Variants in KCNQ2 observed in about 807,000 individuals in gnomAD.
KCNQ2 encodes potassium voltage-gated channel subfamily KQT member 2.
In KCNQ2, 14 loss-of-function variants were observed where a neutral mutation model predicts 84.8. The observed-to-expected ratio is 0.17, with a 90% CI of 0.11 to 0.26. The LOEUF is 0.26. Ranked by LOEUF, KCNQ2 falls within the 10% of genes least tolerant of loss-of-function variation. The pLI is 1.00. For missense variants in KCNQ2, 788 were observed against 1,254.0 expected, an observed-to-expected ratio of 0.63 and a Z score of 5.61; for synonymous variants, 599 against 554.1, an observed-to-expected ratio of 1.08 and a Z score of -1.14.
In KCNQ2 at chr20:63,446,946, G is replaced by A. The variant is rs1052514972; in HGVS notation, c.297-109C>T. ...CCCACCAGGCCGCAGCAGGGCACCA[G>A]CATGGCCGCGTCTCCAGAACGCAGG... On this transcript the variant is annotated intron_variant, in intron 1 of 16. Transcript: ENST00000359125. The surrounding 1 kb of genome is among the most constrained non-coding windows in gnomAD (Gnocchi z 5.5). 6 of 954,100 alleles carry A rather than the reference G, an allele frequency of 6.3e-6. No individual in the cohort carries two copies. Among genetic ancestry groups the A allele is most frequent in the Non-Finnish European group, 1.0e-5 (6 of 587,218 alleles). The allele number at this position is 954,100 out of a possible 1,614,324, so 59.1% of individuals were successfully genotyped here. A position where few individuals can be genotyped will look rare whatever the true frequency, so the allele number is the denominator to read the frequency against.
rs1207808296 is a variant in KCNQ2 at position 63,438,723 on chromosome 20, G to A, written c.928-3C>T. ...GCAAACCCAGACCCCAAGATGCCCT[G>A]CAATTCATCAGGGTCAGGTCACACC... is the stretch of plus-strand genomic sequence containing the variant. On this transcript the variant is annotated splice_polypyrimidine_tract_variant and splice_region_variant and intron_variant, in intron 6 of 16. Transcript: ENST00000359125. The surrounding 1 kb of genome is among the most constrained non-coding windows in gnomAD (Gnocchi z 5.1). 6.2e-7 allele frequency: 1 copy of A among 1,612,944 alleles called. No individual in the cohort carries two copies. The highest frequency in any genetic ancestry group is 1.1e-5 in the South Asian group (1 of 91,076).
intron 10 of KCNQ2, among the ~76,000 whole-genome samples, 161 bp downstream of exon 10, chr20:63,428,206 C>T (rs1156413539): frequency 6.6e-6 from 1 of 152,184 alleles, no homozygotes; most frequent in Admixed American, 6.5e-5. Flanking sequence ...GGTCAGCAGA[C>T]GCGAAAAGAG....
chr20:63,409,501 C>T (rs921463102), intron 15 of KCNQ2, among the ~76,000 whole-genome samples: 5 of 152,180 alleles, frequency 3.3e-5, no homozygotes, highest in Non-Finnish European at 7.4e-5. Flanking sequence ...GGTGGGTGTG[C>T]GCTGAGGCCT....
chr20:63,459,568 C>A (rs1227688245), intron 1 of KCNQ2: 1 of 151,906 alleles, frequency 6.6e-6, no homozygotes, highest in Non-Finnish European at 1.5e-5. Context: ...AGGCAGGAGA[C>A]CGGCAACTGC....
intron 10 of KCNQ2, among the ~76,000 whole-genome samples, chr20:63,424,845 G>A (rs2080580958): frequency 6.6e-6 from 1 of 152,212 alleles, no homozygotes; most frequent in African/African-American, 2.4e-5. Flanking sequence ...TCGTGATTTG[G>A]CTCATCCATG....
chr20:63,413,508 C>T lies in KCNQ2; in HGVS notation c.1705G>A (p.Glu569Lys). 1 of 1,613,516 alleles carries T rather than the reference C, an allele frequency of 6.2e-7. No individual in the cohort carries two copies. Among genetic ancestry groups the T allele is most frequent in the Non-Finnish European group, 8.5e-7 (1 of 1,180,012 alleles). The change falls in exon 15 of 17, where the codon GAG becomes AAG. Residue 569 changes from glutamate to lysine, a missense_variant. Glu to Lys is a moderately conservative substitution (Grantham distance 56). Transcript: ENST00000359125. ...LRPYDVMDVIEQYSAGHLDML... is the reference protein window; with the variant it reads ...LRPYDVMDVIKQYSAGHLDML... The stretch of plus-strand genomic sequence containing the variant: ...TCCAGGTGGCCGGCTGAGTACTGCT[C>T]GATGACGTCCATCACGTCGTAGGGC...
intron 11 of KCNQ2, among the ~76,000 whole-genome samples, chr20:63,423,339 C>T (rs1262072990): frequency 1.3e-5 from 2 of 152,190 alleles, no homozygotes; most frequent in African/African-American, 4.8e-5. Flanking sequence ...GCGTCCATCT[C>T]GGACCCCAGG....
intron 1 of KCNQ2, among the ~76,000 whole-genome samples, chr20:63,457,729 C>T (rs959252312): frequency 6.6e-6 from 1 of 152,246 alleles, no homozygotes; most frequent in African/African-American, 2.4e-5. Context: ...GGACCCCCAG[C>T]CCCCTGCATT....
In KCNQ2 at chr20:63,472,642, G is replaced by A. The variant is rs2082247341; in HGVS notation, c.-179C>T. On this transcript the variant is annotated 5_prime_UTR_variant, in exon 1 of 17. Coordinates refer to ENST00000359125, the MANE Select transcript of KCNQ2 (RefSeq NM_172107.4). ...ACGCTGCGGCCACCTCGCTCCGCGC[G>A]CACCTCGGCGCCTGGCCCGCGGCCG... is the stretch of plus-strand genomic sequence containing the variant. 3 of 250,256 alleles carry A rather than the reference G, an allele frequency of 1.2e-5. No individual in the cohort carries two copies. Among genetic ancestry groups the A allele is most frequent in the Non-Finnish European group, 6.1e-6 (1 of 163,166 alleles). 15.5% of individuals were successfully genotyped at this position (250,256 alleles called of 1,614,324 possible). A position where few individuals can be genotyped will look rare whatever the true frequency, so the allele number is the denominator to read the frequency against.
At chr20:63,413,994 C>G (rs2080205797) in intron 14 of KCNQ2, 94 bp downstream of exon 14, 1 of 953,006 alleles carries the variant, frequency 1.0e-6, no homozygotes, top group African/African-American at 1.6e-5. Flanking sequence ...CTGGGCGGCT[C>G]TGTCCAGCAC....
chr20:63,472,110 G>A (rs1310155849), intron 1 of KCNQ2, 58 bp downstream of exon 1: 4 of 1,290,368 alleles, frequency 3.1e-6, no homozygotes, highest in Non-Finnish European at 4.2e-6. Flanking sequence ...GGTCGCCGAT[G>A]GGGTCGCCGA....
At chr20:63,441,342 A>C (rs1156671559) in intron 5 of KCNQ2, among the ~76,000 whole-genome samples, 2 of 151,854 alleles carry the variant, frequency 1.3e-5, no homozygotes, top group Non-Finnish European at 2.9e-5. Flanking sequence ...GCTATTTAAG[A>C]CTAATCAGGT....
At position 63,439,869 on chromosome 20, in the gene KCNQ2, C is replaced by T. The variant is rs997769962; in HGVS notation, c.817-161G>A. 4 of 680,986 alleles carry T rather than the reference C, an allele frequency of 5.9e-6. No individual in the cohort carries two copies. The East Asian group carries it at 1.1e-4, about 18-fold the overall frequency. The allele number at this position is 680,986 out of a possible 1,614,324, so 42.2% of individuals were successfully genotyped here. A position where few individuals can be genotyped will look rare whatever the true frequency, so the allele number is the denominator to read the frequency against. ...CCAGTGAGGCCAGGGTCGGTGTCGG[C>T]CGCCCCTCATCCCCTGAGCCCTCTC... On this transcript the variant is annotated intron_variant, in intron 5 of 16. Coordinates refer to ENST00000359125, the MANE Select transcript of KCNQ2 (RefSeq NM_172107.4).
chr20:63,464,839 A>AG (rs2082042793), intron 1 of KCNQ2, among the ~76,000 whole-genome samples: 1 of 152,150 alleles, frequency 6.6e-6, no homozygotes, highest in Non-Finnish European at 1.5e-5. Flanking sequence ...GGTGGGACTG[A>AG]GGGGGTCTCC....
chr20:63,458,781 G>A (rs1441290873), intron 1 of KCNQ2, among the ~76,000 whole-genome samples: 3 of 152,342 alleles, frequency 2.0e-5, no homozygotes, highest in South Asian at 2.1e-4. Context: ...GAACCTGCTC[G>A]AGAGCCCAGG....
intron 1 of KCNQ2, among the ~76,000 whole-genome samples, chr20:63,454,417 G>C (rs1273037044): frequency 1.3e-5 from 2 of 152,270 alleles, no homozygotes; most frequent in African/African-American, 2.4e-5. Flanking sequence ...GGACGTGCGA[G>C]AAGAGCCTTG....
At chr20:63,423,970 G>C in intron 11 of KCNQ2, 1 of 596,448 alleles carries the variant, frequency 1.7e-6, no homozygotes, top group Non-Finnish European at 3.1e-6. Flanking sequence ...AAGTAAAACC[G>C]AATCACTGGG....
chr20:63,442,330 A>C, intron 5 of KCNQ2, 76 bp downstream of exon 5: 1 of 1,528,100 alleles, frequency 6.5e-7, no homozygotes. Flanking sequence ...AGGCTCAGCC[A>C]GTGAGAGCCT....
chr20:63,472,015 G>C (rs924197843), intron 1 of KCNQ2, among the ~76,000 whole-genome samples, 153 bp downstream of exon 1: 11 of 152,196 alleles, frequency 7.2e-5, no homozygotes, highest in Admixed American at 2.0e-4. Flanking sequence ...CTCCGGTCTC[G>C]GCCCAGCACT....
Sources: allele counts gnomAD v4.1 joint callset (sites outside exome capture counted in the v4.1 genomes callset), GRCh38; gene constraint gnomAD v4.1.1; non-coding constraint Gnocchi (gnomAD v3.1); transcripts MANE v1.5; gene names NCBI Gene and HGNC (gene_info 2026-07-23, HGNC 2026-07-21).